Variants in PRORP observed in about 807,000 individuals in gnomAD.
PRORP encodes protein only RNase P catalytic subunit.
A neutral mutation model predicts 59.4 loss-of-function variants in PRORP; 51 were observed. That is an observed-to-expected ratio of 0.86 (90% CI 0.69 to 1.08). PRORP has a LOEUF of 1.08. Ranked by LOEUF, PRORP falls within the 50% of genes least tolerant of loss-of-function variation. The pLI, the probability that PRORP is intolerant of heterozygous loss-of-function variation, is 0.00. For missense variants in PRORP, 646 were observed against 690.3 expected (o/e 0.94, Z 0.72); for synonymous variants, 231 against 245.6 (o/e 0.94, Z 0.55).
chr14:35,245,525 A>G (rs569710014), intron 5 of PRORP, among the ~76,000 whole-genome samples: 1 of 152,138 alleles, frequency 6.6e-6, no homozygotes, highest in Non-Finnish European at 1.5e-5. Context: ...CATACCTGTA[A>G]TCCCAGCTAC....
chr14:35,190,048 C>T (rs2048844171), intron 5 of PRORP, among the ~76,000 whole-genome samples: 1 of 147,084 alleles, frequency 6.8e-6, no homozygotes, highest in Non-Finnish European at 1.5e-5. Context: ...GCAGAGGTTG[C>T]AATGAGCTGA....
At chr14:35,195,027 CTT>C (rs1418953676) in intron 5 of PRORP, among the ~76,000 whole-genome samples, 18 of 151,992 alleles carry the variant, frequency 1.2e-4, no homozygotes, top group Admixed American at 6.5e-5. Context: ...TTATATGAAA[CTT>C]ATATTTGAAC....
chr14:35,181,789 A>C (rs1158989883), intron 5 of PRORP, among the ~76,000 whole-genome samples: 5 of 151,320 alleles, frequency 3.3e-5, no homozygotes, highest in Admixed American at 6.6e-5. Flanking sequence ...GTCTCAAAAA[A>C]AAAAAAAAAA....
chr14:35,122,167 A>G, upstream of PRORP: 1 of 575,270 alleles, frequency 1.7e-6, no homozygotes, highest in South Asian at 2.1e-5. Flanking sequence ...GACTGGGGGA[A>G]AAAACTATGA....
At chr14:35,251,413 C>T (rs927231570) in intron 5 of PRORP, among the ~76,000 whole-genome samples, 1 of 152,150 alleles carries the variant, frequency 6.6e-6, no homozygotes, top group African/African-American at 2.4e-5. Context: ...TTTCTCTTTC[C>T]TTTACCTTCT....
At chr14:35,175,402 CTGT>C (rs1324674987) in intron 4 of PRORP, among the ~76,000 whole-genome samples, 2 of 151,908 alleles carry the variant, frequency 1.3e-5, no homozygotes, top group Non-Finnish European at 2.9e-5. Flanking sequence ...TCTCCAGCAC[CTGT>C]TGTTTCCTGA....
intron 5 of PRORP, among the ~76,000 whole-genome samples, chr14:35,225,181 A>G (rs1037410644): frequency 6.6e-6 from 1 of 152,150 alleles, no homozygotes; most frequent in Non-Finnish European, 1.5e-5. Context: ...GACTTACCAC[A>G]TACATGTATT....
rs1018115257 is a variant in PRORP at position 35,138,926 on chromosome 14, G to T, written c.1167+11315G>T. On this transcript the variant is annotated intron_variant, in intron 4 of 7. Transcript: ENST00000534898. ...CTGCCTCAGCCTCCCGAGTGGCTGG[G>T]ACTACAGGTGCATACCACCATGCCT... 4.1e-5 allele frequency among the ~76,000 whole-genome samples: 6 copies of T among 144,916 alleles called. 1 individual carries two copies. Among genetic ancestry groups the T allele is most frequent in the Non-Finnish European group, 9.2e-5 (6 of 65,238 alleles).
chr14:35,126,235 A>G (rs557820585), intron 2 of PRORP, among the ~76,000 whole-genome samples: 2 of 152,266 alleles, frequency 1.3e-5, no homozygotes, highest in East Asian at 3.9e-4. Flanking sequence ...GAAGGAGGAA[A>G]GGATACATTG....
intron 4 of PRORP, among the ~76,000 whole-genome samples, chr14:35,128,016 C>G (rs1452439932): frequency 3.9e-5 from 6 of 152,200 alleles, no homozygotes; most frequent in African/African-American, 1.4e-4. Context: ...AAACTATGTT[C>G]AAGTAGACTG....
At chr14:35,121,880 G>A (rs1191525891), upstream of PRORP, 2 of 1,614,000 alleles carry the variant, frequency 1.2e-6, no homozygotes, top group South Asian at 1.1e-5. Flanking sequence ...CATCCCAACG[G>A]GCTGCCCCTC....
intron 4 of PRORP, among the ~76,000 whole-genome samples, chr14:35,156,686 T>C (rs1377394438): frequency 6.6e-6 from 1 of 152,200 alleles, no homozygotes; most frequent in Non-Finnish European, 1.5e-5. Flanking sequence ...GCAGTATAAA[T>C]GCTTATCTTG....
intron 4 of PRORP, among the ~76,000 whole-genome samples, chr14:35,130,116 T>A (rs1244772436): frequency 6.7e-6 from 1 of 149,918 alleles, no homozygotes; most frequent in Non-Finnish European, 1.5e-5. Context: ...CTGCAGCCTC[T>A]GCCCCCCAGG....
chr14:35,190,407 A>G (rs1039530816), intron 5 of PRORP, among the ~76,000 whole-genome samples: 2 of 54,838 alleles, frequency 3.6e-5, no homozygotes, highest in Non-Finnish European at 9.2e-5. Context: ...TCAAAAAGGA[A>G]AAAAAAAAAA....
chr14:35,147,869 C>T (rs967660933), intron 4 of PRORP, among the ~76,000 whole-genome samples: 1 of 152,204 alleles, frequency 6.6e-6, no homozygotes, highest in African/African-American at 2.4e-5. Flanking sequence ...AACGTGTCTA[C>T]TAGGAGTGAG....
chr14:35,226,737 T>C (rs2049944563), intron 5 of PRORP, among the ~76,000 whole-genome samples: 1 of 152,062 alleles, frequency 6.6e-6, no homozygotes, highest in African/African-American at 2.4e-5. Context: ...TTATTATTAT[T>C]ATTTCATTAT....
At chr14:35,130,675 G>C (rs1042159230) in intron 4 of PRORP, among the ~76,000 whole-genome samples, 1 of 151,680 alleles carries the variant, frequency 6.6e-6, no homozygotes, top group Non-Finnish European at 1.5e-5. Context: ...GTAGAGACAG[G>C]GTTTCACCAT....
At chr14:35,261,940 G>T (rs1014788157) in intron 5 of PRORP, among the ~76,000 whole-genome samples, 6 of 152,186 alleles carry the variant, frequency 3.9e-5, no homozygotes, top group Admixed American at 2.0e-4. Context: ...GCTGCTTCTA[G>T]TAGAGACTTC....
At chr14:35,252,617 A>G (rs576287155) in intron 5 of PRORP, among the ~76,000 whole-genome samples, 1 of 152,100 alleles carries the variant, frequency 6.6e-6, no homozygotes, top group Admixed American at 6.5e-5. Context: ...TACCCTGTCC[A>G]GCTCTCTCTA....
Sources: allele counts gnomAD v4.1 joint callset (sites outside exome capture counted in the v4.1 genomes callset), GRCh38; gene constraint gnomAD v4.1.1; transcripts MANE v1.5; gene names NCBI Gene and HGNC (gene_info 2026-07-23, HGNC 2026-07-21).